Variants in GALK2 observed in about 807,000 individuals in gnomAD.
GALK2 encodes the protein N-acetylgalactosamine kinase.
GALK2 carries 36 observed loss-of-function variants against 52.4 expected under a neutral mutation model. The observed-to-expected ratio is 0.69, with a 90% confidence interval of 0.53 to 0.91. GALK2 has a LOEUF of 0.91. Ranked by LOEUF, GALK2 falls within the 40% of genes least tolerant of loss-of-function variation. The pLI, the probability that GALK2 is intolerant of heterozygous loss-of-function variation, is 0.00. For missense variants in GALK2, 579 were observed against 559.1 expected, an observed-to-expected ratio of 1.04 and a Z score of -0.36; for synonymous variants, 176 against 199.1, an observed-to-expected ratio of 0.88 and a Z score of 0.98.
rs142318330 is a variant in GALK2, at chr15:49,289,503, A to G, written c.757-2824A>G. Among the ~76,000 whole-genome samples the G allele has an allele frequency of 2.4e-3, 373 of 152,290 alleles. 3 individuals are homozygous for G. The highest frequency in any genetic ancestry group is 8.4e-3 in the African/African-American group (351 of 41,550). On this transcript the variant is annotated intron_variant, in intron 7 of 9. Coordinates refer to ENST00000560031, the MANE Select transcript of GALK2 (RefSeq NM_002044.4). The stretch of plus-strand genomic sequence containing the variant: ...TCAGACCAAGAACAGAGGGCTTAGT[A>G]TTTTTGTTTGTGTCTGGGACAACCT...
chr15:49,365,969 A>C (rs75624651), intron 3 of GALK2: 1 of 852,176 alleles, frequency 1.2e-6, no homozygotes, highest in African/African-American at 1.7e-5. Context: ...TTGTGGAAGA[A>C]ATAAAGTAAG....
intron 3 of GALK2, among the ~76,000 whole-genome samples, chr15:49,356,341 C>A (rs2043165825): frequency 6.7e-6 from 1 of 150,344 alleles, no homozygotes; most frequent in African/African-American, 2.4e-5. Context: ...GGAAACCCAT[C>A]TCATGTGCAG....
At chr15:49,167,190 G>T (rs1473832974), upstream of GALK2, among the ~76,000 whole-genome samples, 1 of 152,132 alleles carries the variant, frequency 6.6e-6, no homozygotes, top group East Asian at 1.9e-4. Flanking sequence ...ACAATTTCAA[G>T]TTTATTAATT....
chr15:49,304,703 T>C (rs1240987495), intron 8 of GALK2, among the ~76,000 whole-genome samples: 1 of 152,218 alleles, frequency 6.6e-6, no homozygotes, highest in African/African-American at 2.4e-5. Context: ...TGGCTATGAG[T>C]CTCATCCCAT....
At chr15:49,212,149 G>A (rs2088960703) in intron 2 of GALK2, among the ~76,000 whole-genome samples, 1 of 152,144 alleles carries the variant, frequency 6.6e-6, no homozygotes, top group Non-Finnish European at 1.5e-5. Flanking sequence ...CTGGAGTGCA[G>A]TGGCGCTATC....
chr15:49,198,303 C>T (rs960740372), intron 1 of GALK2, among the ~76,000 whole-genome samples: 11 of 152,274 alleles, frequency 7.2e-5, no homozygotes, highest in Middle Eastern at 3.4e-3. Flanking sequence ...TCTTATTCAC[C>T]TGCACAGACT....
Position 49,351,251 on chromosome 15 carries a change from A to G in GALK2, c.427-16240A>G, listed in dbSNP as rs147322641. ...ATATTTTCAGTTTCAAATGTCTTCC[A>G]CACAATGCAAAAATGACTACTAGCT... is the stretch of plus-strand genomic sequence containing the variant. On this transcript the variant is annotated intron_variant, in intron 3 of 3. Coordinates refer to the GALK2 transcript ENST00000558399. Among the ~76,000 whole-genome samples the G allele has an allele frequency of 7.8e-3, 1,185 of 152,328 alleles. 13 individuals carry two copies. Among genetic ancestry groups the G allele is most frequent in the African/African-American group, 0.028 (1,145 of 41,574 alleles).
chr15:49,215,666 C>T (rs2089308152), intron 2 of GALK2, among the ~76,000 whole-genome samples: 1 of 152,188 alleles, frequency 6.6e-6, no homozygotes, highest in Non-Finnish European at 1.5e-5. Flanking sequence ...GTTGAGCTTC[C>T]TCAAGACAGT....
At chr15:49,228,447 A>G (rs2090264027) in intron 3 of GALK2, among the ~76,000 whole-genome samples, 1 of 150,654 alleles carries the variant, frequency 6.6e-6, no homozygotes, top group Non-Finnish European at 1.5e-5. Context: ...TGACTGTGTT[A>G]TTTCAAAAGA....
At chr15:49,361,117 T>C (rs897566058) in intron 3 of GALK2, among the ~76,000 whole-genome samples, 1 of 152,200 alleles carries the variant, frequency 6.6e-6, no homozygotes, top group African/African-American at 2.4e-5. Flanking sequence ...GTTAGCTTGA[T>C]TCAGTCATTC....
intron 9 of GALK2, among the ~76,000 whole-genome samples, chr15:49,322,863 G>A (rs1231771314): frequency 4.0e-5 from 6 of 151,356 alleles, no homozygotes; most frequent in East Asian, 2.0e-4. Flanking sequence ...AGGCTGAGGC[G>A]GGAGAATGGC....
At chr15:49,364,489 T>C (rs749572314) in intron 3 of GALK2, among the ~76,000 whole-genome samples, 5 of 152,186 alleles carry the variant, frequency 3.3e-5, no homozygotes, top group African/African-American at 4.8e-5. Context: ...TTTATTTCTA[T>C]ATATTATGTT....
At chr15:49,155,998 T>A (rs2084434100) in exon 1 of GALK2, 1 of 1,614,228 alleles carries the variant, frequency 6.2e-7, no homozygotes, top group East Asian at 2.2e-5. Flanking sequence ...AAGGCTGACA[T>A]GCCCGTCCTA....
At chr15:49,184,445 T>G (rs1443857980) in intron 1 of GALK2, among the ~76,000 whole-genome samples, 2 of 152,234 alleles carry the variant, frequency 1.3e-5, no homozygotes, top group African/African-American at 4.8e-5. Flanking sequence ...TTCTATGTCC[T>G]TTGACTGGAG....
chr15:49,230,972 C>G (rs1361945510), intron 3 of GALK2, among the ~76,000 whole-genome samples: 1 of 151,916 alleles, frequency 6.6e-6, no homozygotes, highest in Non-Finnish European at 1.5e-5. Context: ...TGGGAAAGAG[C>G]AAAGATCAAT....
At position 49,223,401 on chromosome 15, in the gene GALK2, A is replaced by G. The variant is rs1399637805; in HGVS notation, c.266+6088A>G. Among the ~76,000 whole-genome samples, 6 of 151,966 alleles carry G rather than the reference A, an allele frequency of 3.9e-5. 1 individual carries two copies. Among genetic ancestry groups the G allele is most frequent in the Admixed American group, 3.9e-4 (6 of 15,240 alleles). On this transcript the variant is annotated intron_variant, in intron 3 of 9. Coordinates refer to ENST00000560031, the MANE Select transcript of GALK2 (RefSeq NM_002044.4). ...TAATTTCAACTTTTATTTTAGATTC[A>G]GGGGTTACATGTGCAGGTTTGTTAC...
chr15:49,327,847 T>C, intron 9 of GALK2, 105 bp from the exon 10 acceptor site: 1 of 1,048,228 alleles, frequency 9.5e-7, no homozygotes, highest in South Asian at 1.8e-5. Context: ...ACCCCGCATG[T>C]ATTTTCTTCT....
intron 8 of GALK2, among the ~76,000 whole-genome samples, chr15:49,310,113 G>C (rs1024090063): frequency 8.5e-5 from 13 of 152,076 alleles, no homozygotes; most frequent in Admixed American, 1.3e-4. Flanking sequence ...TTTAGCTCCT[G>C]CAGATGGGTA....
chr15:49,345,409 C>G (rs1382823485), intron 3 of GALK2, among the ~76,000 whole-genome samples: 1 of 152,162 alleles, frequency 6.6e-6, no homozygotes, highest in Non-Finnish European at 1.5e-5. Context: ...TTTTCTTGTA[C>G]AACTCAGTGG....
Sources: gnomAD v4.1 joint callset for allele counts (sites outside exome capture counted in the v4.1 genomes callset) on GRCh38, gnomAD v4.1.1 for gene constraint, MANE v1.5 for transcripts, NCBI Gene and HGNC (gene_info 2026-07-23, HGNC 2026-07-21) for gene names.